Variants in AKAP14 observed in about 807,000 individuals in gnomAD.
AKAP14 encodes the protein A-kinase anchoring protein 14.
In AKAP14, 4 loss-of-function variants were observed where a neutral mutation model predicts 17.0. The ratio of observed to expected loss-of-function variants is 0.23; its 90% CI spans 0.12 to 0.54. The LOEUF is 0.54. Ranked by LOEUF, AKAP14 falls within the 20% of genes least tolerant of loss-of-function variation. The probability of loss-of-function intolerance (pLI) is 0.95; values close to 1 mark genes in which losing one functional copy is unlikely to be tolerated. For missense variants in AKAP14, 129 were observed against 150.9 expected, an observed-to-expected ratio of 0.85 and a Z score of 0.76; for synonymous variants, 42 against 51.3, an observed-to-expected ratio of 0.82 and a Z score of 0.77.
At chrX:119,912,087 C>T (rs2078897) in intron 4 of AKAP14, among the ~76,000 whole-genome samples, 3,262 of 109,720 alleles carry the variant, frequency 0.03, 111 homozygotes, top group African/African-American at 0.1. Context: ...CCCACCACCA[C>T]GCCCGGCTCA....
intron 5 of AKAP14, among the ~76,000 whole-genome samples, chrX:119,916,181 CT>C (rs767131219): frequency 8.5e-5 from 9 of 105,529 alleles, no homozygotes; most frequent in Non-Finnish European, 9.8e-5. Context: ...ACTTCTCTCT[CT>C]TTTTTTTTTA....
At chrX:119,896,346 A>T (rs1432029324) in intron 2 of AKAP14, 79 bp downstream of exon 2, 1 of 105,900 alleles carries the variant, frequency 9.4e-6, no homozygotes, top group Non-Finnish European at 1.9e-5. Flanking sequence ...CCAGACCCCA[A>T]ACGTTACCAT....
intron 5 of AKAP14, 112 bp from the exon 6 acceptor site, chrX:119,919,799 T>C: frequency 2.4e-6 from 2 of 828,399 alleles, no homozygotes; most frequent in Admixed American, 2.4e-5. Context: ...TGAGCTGAGA[T>C]TGCACCACTG....
At chrX:119,909,093 C>A (rs2056613536) in intron 4 of AKAP14, among the ~76,000 whole-genome samples, 2 of 111,432 alleles carry the variant, frequency 1.8e-5, no homozygotes, top group Non-Finnish European at 3.8e-5. Context: ...ATTAGATTAT[C>A]TCTAGTGACC....
intron 2 of AKAP14, among the ~76,000 whole-genome samples, chrX:119,902,896 G>C (rs1475989656): frequency 9.0e-6 from 1 of 111,642 alleles, no homozygotes; most frequent in African/African-American, 3.2e-5. Context: ...TCACCATGTT[G>C]GTCAGGCTGG....
chrX:119,900,003 A>G (rs2056555171), intron 2 of AKAP14, among the ~76,000 whole-genome samples: 2 of 111,045 alleles, frequency 1.8e-5, no homozygotes, highest in Admixed American at 9.7e-5. Context: ...ATCTCGGCTC[A>G]CTGCAACCTC....
chrX:119,919,707 G>A (rs2056677959), intron 5 of AKAP14: 2 of 343,356 alleles, frequency 5.8e-6, no homozygotes, highest in Non-Finnish European at 1.0e-5. Flanking sequence ...ATAGCTGGGT[G>A]TGGTGGCGGG....
At chrX:119,909,714 A>G (rs2056617458) in intron 4 of AKAP14, among the ~76,000 whole-genome samples, 1 of 104,105 alleles carries the variant, frequency 9.6e-6, no homozygotes, top group African/African-American at 3.5e-5. Context: ...ACCAGCCTGG[A>G]TCTCTACTAA....
rs10637499 is a variant in AKAP14 at position 119,906,225 on chromosome X, CTTTTTTTTT to C, written c.261+2658_261+2666del. On this transcript the variant is annotated intron_variant, in intron 4 of 6. Coordinates refer to ENST00000371431, the MANE Select transcript of AKAP14 (RefSeq NM_178813.6). ...CACTAATGCAGCATGCCTGGCATTT[CTTTTTTTTT>C]TTTTTTTTTTTTTTTTTTGAGACGG... Among the ~76,000 whole-genome samples the C allele has an allele frequency of 1.2e-4, 6 of 50,888 alleles. No homozygotes were observed. In the South Asian group the frequency reaches 5.1e-3, roughly 43 times the overall value. 44.2% of individuals were successfully genotyped at this position (50,888 alleles called of 115,157 possible).
At chrX:119,915,277 A>C (rs1342821241) in intron 5 of AKAP14, among the ~76,000 whole-genome samples, 1 of 111,321 alleles carries the variant, frequency 9.0e-6, no homozygotes, top group Non-Finnish European at 1.9e-5. Context: ...TGTTCCCCAA[A>C]TTTGTATCTC....
chrX:119,905,535 C>T (rs1459165386), intron 4 of AKAP14, among the ~76,000 whole-genome samples: 1 of 111,761 alleles, frequency 8.9e-6, no homozygotes, highest in African/African-American at 3.2e-5. Flanking sequence ...TGACAATGGT[C>T]TACAAGGCCC....
At chrX:119,909,535 TA>T (rs59646125) in intron 4 of AKAP14, among the ~76,000 whole-genome samples, 2,138 of 75,534 alleles carry the variant, frequency 0.028, 55 homozygotes, top group African/African-American at 0.082. Flanking sequence ...CTCAAAAACA[TA>T]AAAAAAAAAA....
At chrX:119,905,947 T>C (rs2056594593) in intron 4 of AKAP14, among the ~76,000 whole-genome samples, 1 of 111,719 alleles carries the variant, frequency 9.0e-6, no homozygotes, top group South Asian at 3.7e-4. Flanking sequence ...TGAGGGCAGA[T>C]TTCTCTTGAC....
chrX:119,908,990 A>G (rs1271850764), intron 4 of AKAP14, among the ~76,000 whole-genome samples: 1 of 111,210 alleles, frequency 9.0e-6, no homozygotes, highest in Non-Finnish European at 1.9e-5. Flanking sequence ...CGGGCTGCTC[A>G]GGAGTCCTGG....
intron 4 of AKAP14, among the ~76,000 whole-genome samples, chrX:119,904,909 G>A (rs1183812885): frequency 9.1e-6 from 1 of 109,927 alleles, no homozygotes; most frequent in Admixed American, 9.9e-5. Flanking sequence ...ATAATTAGCC[G>A]GGCGTGGTGG....
chrX:119,912,534 CT>C (rs34639679), intron 4 of AKAP14, among the ~76,000 whole-genome samples: 129 of 99,455 alleles, frequency 1.3e-3, no homozygotes, highest in African/African-American at 1.2e-3. Context: ...ATGAATGCTA[CT>C]TTTTTTTTTT....
chrX:119,920,104 TGAAAC>T, intron 6 of AKAP14, 141 bp downstream of exon 6: 2 of 580,574 alleles, frequency 3.4e-6, no homozygotes, highest in Non-Finnish European at 5.4e-6. Context: ...TAGAATGGGC[TGAAAC>T]TGTTCTAGAA....
At chrX:119,919,822 G>A in intron 5 of AKAP14, 89 bp from the exon 6 acceptor site, 1 of 1,008,785 alleles carries the variant, frequency 9.9e-7, no homozygotes, top group East Asian at 3.1e-5. Flanking sequence ...CTTACACCTG[G>A]GAGACAGAGC....
Position 119,908,300 on chromosome X carries a change from A to AAAAG in AKAP14, c.261+4716_261+4717insAGAA, listed in dbSNP as rs567352217. Among the ~76,000 whole-genome samples, 88 of 103,500 alleles carry AAAAG rather than the reference A, an allele frequency of 8.5e-4. 5 individuals are homozygous for AAAAG. Among genetic ancestry groups the AAAAG allele is most frequent in the South Asian group, 6.5e-3 (15 of 2,322 alleles). The allele number at this position is 103,500 out of a possible 115,157, so 89.9% of individuals were successfully genotyped here. On this transcript the variant is annotated intron_variant, in intron 4 of 6. Coordinates refer to ENST00000371431, the MANE Select transcript of AKAP14 (RefSeq NM_178813.6). ...AGACTCTGTCAAAAAAAAAAAAAAA[A>AAAAG]AAGAAGGATGGTATAGGATGGTATA...
Sources: allele counts gnomAD v4.1 joint callset (sites outside exome capture counted in the v4.1 genomes callset), GRCh38; gene constraint gnomAD v4.1.1; transcripts MANE v1.5; gene names NCBI Gene and HGNC (gene_info 2026-07-23, HGNC 2026-07-21).